Variants in PRR16 observed in about 807,000 individuals in gnomAD.
PRR16 encodes proline rich 16.
Under a neutral mutation model 18.2 loss-of-function variants are expected in PRR16, and 6 were observed. The ratio of observed to expected loss-of-function variants is 0.33; its 90% CI spans 0.18 to 0.65. PRR16 has a LOEUF of 0.65. PRR16 is among the 30% of genes least tolerant of loss of function. PRR16 has a pLI of 0.74. For synonymous variants in PRR16, 151 were observed against 147.8 expected (o/e 1.02, Z -0.16); for missense variants, 412 against 376.6 (o/e 1.09, Z -0.78).
chr5:120,585,137 G>T (rs1453384251), intron 1 of PRR16, among the ~76,000 whole-genome samples: 1 of 152,148 alleles, frequency 6.6e-6, no homozygotes, highest in African/African-American at 2.4e-5. Context: ...ATAAGAATAA[G>T]ACAGATATGT....
At chr5:120,794,212 C>A in the PRR16 span, among the ~76,000 whole-genome samples, 1 of 152,072 alleles carries the variant, frequency 6.6e-6, no homozygotes, top group Non-Finnish European at 1.5e-5. Flanking sequence ...TAAAATATAT[C>A]TGACTGAGTA....
the PRR16 span, among the ~76,000 whole-genome samples, chr5:120,723,343 A>G: frequency 6.6e-6 from 1 of 152,002 alleles, no homozygotes; most frequent in African/African-American, 2.4e-5. Context: ...GCTTTTATAA[A>G]ACGTAAAACC....
At chr5:120,731,761 T>C in the PRR16 span, among the ~76,000 whole-genome samples, 1 of 152,222 alleles carries the variant, frequency 6.6e-6, no homozygotes, top group Non-Finnish European at 1.5e-5. Context: ...GACAGTGCCT[T>C]ATACATTAAA....
At chr5:120,735,424 A>G in the PRR16 span, among the ~76,000 whole-genome samples, 1,810 of 152,222 alleles carry the variant, frequency 0.012, 38 homozygotes, top group African/African-American at 0.04. Flanking sequence ...TTATTTTACA[A>G]TCCTATCAAC....
chr5:120,595,023 A>G (rs1753755484), intron 1 of PRR16, among the ~76,000 whole-genome samples: 2 of 151,820 alleles, frequency 1.3e-5, no homozygotes, highest in African/African-American at 4.9e-5. Flanking sequence ...AACCTAGGAA[A>G]TATAATTCTG....
chr5:120,761,697 T>C, the PRR16 span, among the ~76,000 whole-genome samples: 3 of 152,110 alleles, frequency 2.0e-5, no homozygotes, highest in Non-Finnish European at 4.4e-5. Flanking sequence ...AGATATACAT[T>C]ATCATTTCTA....
At chr5:120,483,124 G>A (rs1462659556) in intron 1 of PRR16, among the ~76,000 whole-genome samples, 1 of 152,128 alleles carries the variant, frequency 6.6e-6, no homozygotes, top group Non-Finnish European at 1.5e-5. Context: ...TTGGCGAGGA[G>A]CTCTACTCCA....
chr5:120,474,102 G>C (rs1749358301), intron 1 of PRR16, among the ~76,000 whole-genome samples: 2 of 152,168 alleles, frequency 1.3e-5, no homozygotes, highest in Non-Finnish European at 2.9e-5. Flanking sequence ...CAGGGCAAGA[G>C]TAGCAGTGAT....
the PRR16 span, among the ~76,000 whole-genome samples, chr5:120,744,935 G>T: frequency 0.1 from 15,782 of 152,154 alleles, 1,040 homozygotes; most frequent in African/African-American, 0.18. Context: ...CCAATTCACT[G>T]TAGAGAAGGT....
At chr5:120,490,346 C>A (rs950578317) in intron 1 of PRR16, among the ~76,000 whole-genome samples, 1 of 152,018 alleles carries the variant, frequency 6.6e-6, no homozygotes, top group African/African-American at 2.4e-5. Context: ...AGGCTTTGTT[C>A]GTTTCTTTTT....
the PRR16 span, among the ~76,000 whole-genome samples, chr5:120,703,245 G>T: frequency 6.6e-6 from 1 of 152,150 alleles, no homozygotes; most frequent in Non-Finnish European, 1.5e-5. Flanking sequence ...ATCACTTAAG[G>T]CAAGGACTAG....
At chr5:120,567,413 A>G (rs182139354) in intron 1 of PRR16, among the ~76,000 whole-genome samples, 1 of 152,252 alleles carries the variant, frequency 6.6e-6, no homozygotes, top group Admixed American at 6.5e-5. Context: ...CTCTTTAATC[A>G]GAATATTCAT....
the PRR16 span, among the ~76,000 whole-genome samples, chr5:120,715,369 C>T: frequency 2.0e-5 from 3 of 152,060 alleles, no homozygotes; most frequent in Admixed American, 1.3e-4. Context: ...CGTTTATAGC[C>T]CTTACTACTC....
At chr5:120,483,034 T>G (rs1749673180) in intron 1 of PRR16, among the ~76,000 whole-genome samples, 1 of 152,172 alleles carries the variant, frequency 6.6e-6, no homozygotes, top group Non-Finnish European at 1.5e-5. Flanking sequence ...AATGCTGCAG[T>G]AATAAATCAA....
chr5:120,529,598 G>T (rs1164117123), intron 1 of PRR16, among the ~76,000 whole-genome samples: 1 of 152,134 alleles, frequency 6.6e-6, no homozygotes, highest in Non-Finnish European at 1.5e-5. Flanking sequence ...CTATCGCAGA[G>T]TGCATCAGCT....
intron 1 of PRR16, among the ~76,000 whole-genome samples, chr5:120,551,768 G>A (rs1164116712): frequency 1.3e-5 from 2 of 151,910 alleles, no homozygotes; most frequent in East Asian, 1.9e-4. Flanking sequence ...GAAAGACCTC[G>A]GTTGCACTGG....
At chr5:120,473,739 G>A (rs1299713392) in intron 1 of PRR16, among the ~76,000 whole-genome samples, 3 of 152,122 alleles carry the variant, frequency 2.0e-5, no homozygotes, top group Admixed American at 6.5e-5. Context: ...ATTCCTTCAT[G>A]GAGTTTACAT....
At chr5:120,794,170 A>T in the PRR16 span, among the ~76,000 whole-genome samples, 1 of 152,164 alleles carries the variant, frequency 6.6e-6, no homozygotes, top group African/African-American at 2.4e-5. Context: ...AAACAAAGAG[A>T]TGCAGAAAGT....
At chr5:120,499,202 C>T (rs551422088) in intron 1 of PRR16, among the ~76,000 whole-genome samples, 1 of 151,788 alleles carries the variant, frequency 6.6e-6, no homozygotes, top group Non-Finnish European at 1.5e-5. Flanking sequence ...CTCTGCCTAC[C>T]GGGTTCCAGC....
Sources: allele counts gnomAD v4.1 joint callset (sites outside exome capture counted in the v4.1 genomes callset), GRCh38; gene constraint gnomAD v4.1.1; transcripts MANE v1.5; gene names NCBI Gene and HGNC (gene_info 2026-07-23, HGNC 2026-07-21).